Variants in AGBL4 observed in about 807,000 individuals in gnomAD.
AGBL4 encodes cytosolic carboxypeptidase 6.
Under a neutral mutation model 66.4 loss-of-function variants are expected in AGBL4, and 58 were observed. The observed-to-expected ratio is 0.87, with a 90% confidence interval of 0.71 to 1.09. The LOEUF is 1.09. AGBL4 is among the 50% of genes least tolerant of loss of function. The probability of loss-of-function intolerance (pLI) is 0.00; values close to 1 mark genes in which losing one functional copy is unlikely to be tolerated. For synonymous variants in AGBL4, 234 were observed against 222.9 expected (o/e 1.05, Z -0.44); for missense variants, 579 against 631.0 (o/e 0.92, Z 0.88).
chr1:48,590,560 C>A (rs1644899718), intron 10 of AGBL4, among the ~76,000 whole-genome samples: 1 of 151,992 alleles, frequency 6.6e-6, no homozygotes, highest in South Asian at 2.1e-4. Context: ...TGTCTCAAAA[C>A]AAAACAAAAC....
At chr1:48,743,484 A>G (rs542702880) in intron 6 of AGBL4, among the ~76,000 whole-genome samples, 2 of 152,370 alleles carry the variant, frequency 1.3e-5, no homozygotes, top group African/African-American at 4.8e-5. Context: ...TGTGTTGATT[A>G]CTTAAGGGCA....
At chr1:49,511,860 G>A (rs1649298502) in intron 3 of AGBL4, among the ~76,000 whole-genome samples, 1 of 151,834 alleles carries the variant, frequency 6.6e-6, no homozygotes, top group Non-Finnish European at 1.5e-5. Context: ...AAAAGTTTCA[G>A]ATAATTGAGA....
intron 3 of AGBL4, among the ~76,000 whole-genome samples, chr1:49,247,369 C>T (rs1289334716): frequency 6.6e-6 from 1 of 152,070 alleles, no homozygotes; most frequent in Non-Finnish European, 1.5e-5. Flanking sequence ...CAGAGACCAG[C>T]CATTTACCGC....
At chr1:49,069,149 A>C (rs1438367395) in intron 4 of AGBL4, among the ~76,000 whole-genome samples, 2 of 152,172 alleles carry the variant, frequency 1.3e-5, no homozygotes, top group Non-Finnish European at 2.9e-5. Flanking sequence ...TCAGATGGCT[A>C]GATTGCAAAA....
chr1:49,061,718 T>C (rs1453482544), intron 4 of AGBL4, among the ~76,000 whole-genome samples: 5 of 152,054 alleles, frequency 3.3e-5, no homozygotes, highest in Non-Finnish European at 4.4e-5. Flanking sequence ...ACAATACAAG[T>C]AGGAGACTAA....
At chr1:49,816,315 A>C (rs755921040) in intron 2 of AGBL4, among the ~76,000 whole-genome samples, 72 of 152,334 alleles carry the variant, frequency 4.7e-4, no homozygotes, top group Non-Finnish European at 1.0e-3. Context: ...AGATAGCCAG[A>C]AAGTCTGATG....
At chr1:48,680,041 G>A (rs1240516060) in intron 6 of AGBL4, among the ~76,000 whole-genome samples, 2 of 152,230 alleles carry the variant, frequency 1.3e-5, no homozygotes, top group Admixed American at 1.3e-4. Flanking sequence ...TAAGGCTGCA[G>A]TCAGTGTTTG....
intron 4 of AGBL4, among the ~76,000 whole-genome samples, chr1:49,174,174 T>A (rs1376977020): frequency 6.6e-6 from 1 of 152,152 alleles, no homozygotes; most frequent in African/African-American, 2.4e-5. Flanking sequence ...TTAATTTTTT[T>A]AAAGTTGAAA....
intron 3 of AGBL4, among the ~76,000 whole-genome samples, chr1:49,574,822 T>C (rs1571081890): frequency 6.6e-6 from 1 of 151,928 alleles, no homozygotes; most frequent in Non-Finnish European, 1.5e-5. Context: ...TGACTAATCA[T>C]GATGTTCCTA....
intron 2 of AGBL4, among the ~76,000 whole-genome samples, chr1:49,839,187 C>T (rs1324373477): frequency 6.6e-6 from 1 of 152,116 alleles, no homozygotes; most frequent in Non-Finnish European, 1.5e-5. Flanking sequence ...AGATACATAA[C>T]TGTTATATCA....
chr1:48,802,138 C>T (rs1645824441), intron 6 of AGBL4, among the ~76,000 whole-genome samples: 2 of 152,158 alleles, frequency 1.3e-5, no homozygotes, highest in Admixed American at 1.3e-4. Context: ...TCCCTGCTTC[C>T]TCTCTGTCCT....
At chr1:49,080,755 C>T (rs1017060339) in intron 4 of AGBL4, among the ~76,000 whole-genome samples, 1 of 152,058 alleles carries the variant, frequency 6.6e-6, no homozygotes, top group Non-Finnish European at 1.5e-5. Context: ...TTTAATCTGC[C>T]AATTCTTGTT....
chr1:49,410,889 T>C (rs769782616), intron 3 of AGBL4, among the ~76,000 whole-genome samples: 1 of 152,216 alleles, frequency 6.6e-6, no homozygotes, highest in Non-Finnish European at 1.5e-5. Context: ...GCTTACTATA[T>C]GCCAGATGCT....
intron 11 of AGBL4, 99 bp from the exon 12 acceptor site, chr1:48,539,837 C>A (rs1217860552): frequency 1.3e-6 from 1 of 767,952 alleles, no homozygotes. Flanking sequence ...AAAACAGTTA[C>A]ACACTCATTG....
intron 1 of AGBL4, among the ~76,000 whole-genome samples, chr1:49,930,857 A>T (rs1424200326): frequency 1.3e-5 from 2 of 152,172 alleles, no homozygotes; most frequent in Admixed American, 1.3e-4. Flanking sequence ...AACCAAGGAT[A>T]TCTACATCAA....
chr1:48,565,132 G>C (rs1270023353), intron 11 of AGBL4, among the ~76,000 whole-genome samples: 1 of 152,192 alleles, frequency 6.6e-6, no homozygotes, highest in African/African-American at 2.4e-5. Flanking sequence ...GTATCTTAAT[G>C]AAGCCTAATT....
chr1:49,499,666 T>C (rs892993548), intron 3 of AGBL4, among the ~76,000 whole-genome samples: 3 of 151,962 alleles, frequency 2.0e-5, no homozygotes, highest in African/African-American at 7.2e-5. Flanking sequence ...TCCAATTCCA[T>C]ACAAGTTGTT....
chr1:49,381,646 C>G (rs1359377623), intron 3 of AGBL4, among the ~76,000 whole-genome samples: 1 of 152,028 alleles, frequency 6.6e-6, no homozygotes, highest in Admixed American at 6.6e-5. Flanking sequence ...CACATATACA[C>G]CATGGAATAC....
intron 3 of AGBL4, among the ~76,000 whole-genome samples, chr1:49,303,384 G>C (rs1392169486): frequency 6.6e-6 from 1 of 152,076 alleles, no homozygotes; most frequent in African/African-American, 2.4e-5. Flanking sequence ...CTGTGGCTTT[G>C]ATTTGCATTT....
Sources: gnomAD v4.1 joint callset for allele counts (sites outside exome capture counted in the v4.1 genomes callset) on GRCh38, gnomAD v4.1.1 for gene constraint, MANE v1.5 for transcripts, NCBI Gene and HGNC (gene_info 2026-07-23, HGNC 2026-07-21) for gene names.